PPP4C: variants seen among roughly 807,000 people sequenced by gnomAD.
The protein encoded by PPP4C is serine/threonine-protein phosphatase 4 catalytic subunit.
PPP4C carries 10 observed loss-of-function variants against 40.5 expected under a neutral mutation model. The observed-to-expected ratio is 0.25, with a 90% confidence interval of 0.15 to 0.42. The LOEUF (loss-of-function observed/expected upper bound fraction) is 0.42. Ranked by LOEUF, PPP4C falls within the 10% of genes least tolerant of loss-of-function variation. The probability of loss-of-function intolerance (pLI) is 1.00; values close to 1 mark genes in which losing one functional copy is unlikely to be tolerated. For missense variants in PPP4C, 191 were observed against 416.4 expected (o/e 0.46, Z 4.71); for synonymous variants, 187 against 163.6 (o/e 1.14, Z -1.09).
rs2072544300 is a variant in PPP4C, at chr16:30,083,234, G to A, written c.304-160G>A. On this transcript the variant is annotated intron_variant, in intron 5 of 8. Transcript: ENST00000279387. The surrounding 1 kb of genome is among the most constrained non-coding windows in gnomAD (Gnocchi z 6.3). Reference sequence around the variant, plus strand: ...TACATTCTCTGGAGGGGTCGTGTGGGCCTGGGAGGTGGCTGATGCCACACG... The same window carrying A: ...TACATTCTCTGGAGGGGTCGTGTGGACCTGGGAGGTGGCTGATGCCACACG... 1.3e-6 allele frequency: 1 copy of A among 793,516 alleles called. No individual in the cohort carries two copies. Among genetic ancestry groups the A allele is most frequent in the Non-Finnish European group, 2.1e-6 (1 of 485,866 alleles). The allele number at this position is 793,516 out of a possible 1,614,324, so 49.2% of individuals were successfully genotyped here.
rs895692251 is a variant in PPP4C at position 30,076,089 on chromosome 16, G to A, written c.-69G>A. On this transcript the variant is annotated 5_prime_UTR_variant, in exon 1 of 9. Transcript: ENST00000279387. The stretch of plus-strand genomic sequence containing the variant: ...CCGGAGAGCCGGAACCGGAGTCGCA[G>A]CGGCGGTAATAGTGCGAGACTCCTC... The A allele has an allele frequency of 6.7e-6, 3 of 450,478 alleles. No individual in the cohort carries two copies. The highest frequency in any genetic ancestry group is 6.2e-5 in the African/African-American group (3 of 48,340). The allele number at this position is 450,478 out of a possible 1,614,324, so 27.9% of individuals were successfully genotyped here. A position where few individuals can be genotyped will look rare whatever the true frequency, so the allele number is the denominator to read the frequency against.
chr16:30,082,584 A>T (rs763277146), intron 4 of PPP4C, 50 bp downstream of exon 4: 10 of 1,592,038 alleles, frequency 6.3e-6, no homozygotes, highest in Non-Finnish European at 7.8e-6. Flanking sequence ...TGACTGGAAG[A>T]CCCCTGTAAT....
At chr16:30,082,684 C>G in intron 4 of PPP4C, 62 bp from the exon 5 acceptor site, 1 of 1,553,808 alleles carries the variant, frequency 6.4e-7, no homozygotes, top group South Asian at 1.1e-5. Context: ...CTCCGCTGGA[C>G]AGAAACAGGT....
At chr16:30,081,743 AAAAAAAAACAAAAAAAAAC>A (rs1789287786) in intron 3 of PPP4C, 2 of 143,574 alleles carry the variant, frequency 1.4e-5, no homozygotes, top group Admixed American at 1.3e-4. Flanking sequence ...ACTCCGTCTC[AAAAAAAAACAAAAAAAAAC>A]AAAAAAAACA....
chr16:30,076,068 A>T lies in PPP4C; in HGVS notation c.-90A>T. The T allele has an allele frequency of 2.3e-6, 1 of 433,170 alleles. No homozygotes were observed. Among genetic ancestry groups the T allele is most frequent in the East Asian group, 4.4e-5 (1 of 22,976 alleles). The allele number at this position is 433,170 out of a possible 1,614,324, so 26.8% of individuals were successfully genotyped here. The stretch of plus-strand genomic sequence containing the variant: ...GTGAAAGAGGGAGGCAGGGAGCCGG[A>T]GAGCCGGAACCGGAGTCGCAGCGGC... On this transcript the variant is annotated 5_prime_UTR_variant, in exon 1 of 9. Coordinates refer to ENST00000279387, the MANE Select transcript of PPP4C (RefSeq NM_002720.3).
chr16:30,084,284 TACAG>T (rs1444792533), intron 7 of PPP4C, among the ~76,000 whole-genome samples: 7 of 152,116 alleles, frequency 4.6e-5, no homozygotes, highest in African/African-American at 7.2e-5. Context: ...GCCACACACA[TACAG>T]ACACACACAT....
chr16:30,082,301 A>C (rs1333319864), intron 3 of PPP4C, among the ~76,000 whole-genome samples, 183 bp from the exon 4 acceptor site: 1 of 152,200 alleles, frequency 6.6e-6, no homozygotes, highest in East Asian at 1.9e-4. Context: ...GTTGGTACTC[A>C]GCATAGGACA....
rs1248688257 is a variant in PPP4C, at chr16:30,076,314, G to C, written c.-63-1G>C. The C allele has an allele frequency of 7.8e-6, 12 of 1,540,604 alleles. No individual in the cohort carries two copies. In the Admixed American group the frequency reaches 1.4e-4, roughly 18 times the overall value. ...CGCGGGCTCGTCTTGGCCTTTCCCA[G>C]GAGACCCCTGTGCGGTGCGGAGGGG... On this transcript the variant is annotated splice_acceptor_variant, in intron 1 of 8. Coordinates refer to ENST00000279387, the MANE Select transcript of PPP4C (RefSeq NM_002720.3). LOFTEE classifies it low-confidence loss of function (5UTR_SPLICE).
Position 30,076,053 on chromosome 16 carries a change from G to A in PPP4C, c.-105G>A, listed in dbSNP as rs1222126461. 1.4e-5 allele frequency: 6 copies of A among 434,720 alleles called. No homozygotes were observed. The highest frequency in any genetic ancestry group is 5.5e-5 in the South Asian group (2 of 36,432). The allele number at this position is 434,720 out of a possible 1,614,324, so 26.9% of individuals were successfully genotyped here. On this transcript the variant is annotated 5_prime_UTR_variant, in exon 1 of 9. Transcript: ENST00000279387. The stretch of plus-strand genomic sequence containing the variant: ...GCGGTCGAAAGCGGAGTGAAAGAGG[G>A]AGGCAGGGAGCCGGAGAGCCGGAAC...
Position 30,083,898 on chromosome 16 carries a change from G to C in PPP4C, c.604+117G>C. 2.0e-6 allele frequency: 3 copies of C among 1,481,010 alleles called. No individual in the cohort carries two copies. The highest frequency in any genetic ancestry group is 2.8e-6 in the Non-Finnish European group (3 of 1,089,528). The allele number at this position is 1,481,010 out of a possible 1,614,324, so 91.7% of individuals were successfully genotyped here. ...CACCTGCCAAATGGCTGGAACCCTG[G>C]AGGAGGAGCAGGGAGGCCTGCATGG... On this transcript the variant is annotated intron_variant, in intron 7 of 8. Transcript: ENST00000279387. The surrounding 1 kb of genome is among the most constrained non-coding windows in gnomAD (Gnocchi z 6.3).
In PPP4C at chr16:30,083,410, G is replaced by A. The variant is rs1184518856; in HGVS notation, c.320G>A (p.Arg107His). 1 of 1,613,286 alleles carries A rather than the reference G, an allele frequency of 6.2e-7. No homozygotes were observed. The highest frequency in any genetic ancestry group is 8.5e-7 in the Non-Finnish European group (1 of 1,179,764). ...CACCCCCAGGTTCGCTATCCTGATC[G>A]CATCACACTGATCCGGGGCAACCAT... ...LLALKVRYPDRITLIRGNHES... is the reference protein window; with the variant it reads ...LLALKVRYPDHITLIRGNHES... The change falls in exon 6 of 9, where the codon CGC (arginine) becomes CAC (histidine). Residue 107 changes from arginine (R) to histidine (H), a missense_variant. Physicochemically the swap from Arg to His is conservative, Grantham distance 29 (BLOSUM62 0). Transcript: ENST00000279387. This position sits in a 1 kb window ranked among gnomAD's most constrained non-coding sequence, Gnocchi z 6.3.
Position 30,076,059 on chromosome 16 carries a change from G to A in PPP4C, c.-99G>A. 1 of 433,498 alleles carries A rather than the reference G, an allele frequency of 2.3e-6. No individual in the cohort carries two copies. 26.9% of individuals were successfully genotyped at this position (433,498 alleles called of 1,614,324 possible). On this transcript the variant is annotated 5_prime_UTR_variant, in exon 1 of 9. Transcript: ENST00000279387. ...GAAAGCGGAGTGAAAGAGGGAGGCA[G>A]GGAGCCGGAGAGCCGGAACCGGAGT...
Position 30,076,377 on chromosome 16 carries a change from C to T in PPP4C, c.-1C>T, listed in dbSNP as rs1436045796. Reference sequence around the variant, plus strand: ...ACTCTGACCCGCGCCGGGGGTGGGCCATGGCGGAGATCAGCGACCTGGACC... The same window carrying T: ...ACTCTGACCCGCGCCGGGGGTGGGCTATGGCGGAGATCAGCGACCTGGACC... On this transcript the variant is annotated 5_prime_UTR_variant, in exon 2 of 9. Coordinates refer to ENST00000279387, the MANE Select transcript of PPP4C (RefSeq NM_002720.3). 1.2e-6 allele frequency: 2 copies of T among 1,612,592 alleles called. No homozygotes were observed. The highest frequency in any genetic ancestry group is 2.7e-5 in the African/African-American group (2 of 74,926).
intron 3 of PPP4C, among the ~76,000 whole-genome samples, chr16:30,081,984 G>A (rs1217641524): frequency 6.6e-6 from 1 of 151,942 alleles, no homozygotes; most frequent in African/African-American, 2.4e-5. Flanking sequence ...GAACCCAGGA[G>A]GCGGAGCTTG....
intron 2 of PPP4C, among the ~76,000 whole-genome samples, chr16:30,077,727 T>G (rs747802997): frequency 1.3e-5 from 2 of 152,236 alleles, no homozygotes; most frequent in African/African-American, 4.8e-5. Flanking sequence ...TCTATCCATC[T>G]CTTCCCCCCA....
Position 30,076,060 on chromosome 16 carries a change from G to A in PPP4C, c.-98G>A, listed in dbSNP as rs2072383445. 3 of 433,964 alleles carry A rather than the reference G, an allele frequency of 6.9e-6. No homozygotes were observed. The highest frequency in any genetic ancestry group is 1.2e-5 in the Non-Finnish European group (3 of 242,688). The allele number at this position is 433,964 out of a possible 1,614,324, so 26.9% of individuals were successfully genotyped here. A position where few individuals can be genotyped will look rare whatever the true frequency, so the allele number is the denominator to read the frequency against. On this transcript the variant is annotated 5_prime_UTR_variant, in exon 1 of 9. Transcript: ENST00000279387. ...AAAGCGGAGTGAAAGAGGGAGGCAG[G>A]GAGCCGGAGAGCCGGAACCGGAGTC...
intron 2 of PPP4C, among the ~76,000 whole-genome samples, chr16:30,077,148 G>A (rs889817477): frequency 6.6e-6 from 1 of 152,096 alleles, no homozygotes; most frequent in Non-Finnish European, 1.5e-5. Flanking sequence ...ATGATGTAGT[G>A]GTTAAGGCTC....
chr16:30,084,387 C>G (rs899662218), intron 7 of PPP4C, among the ~76,000 whole-genome samples: 2 of 152,258 alleles, frequency 1.3e-5, no homozygotes, highest in African/African-American at 4.8e-5. Flanking sequence ...GGGAGTGCCC[C>G]TTTCACTCTT....
chr16:30,082,355 G>C, intron 3 of PPP4C, 129 bp from the exon 4 acceptor site: 1 of 942,228 alleles, frequency 1.1e-6, no homozygotes, highest in Non-Finnish European at 1.7e-6. Flanking sequence ...TGGGAGAGGA[G>C]AATTTTGGTC....
Sources: gnomAD v4.1 joint callset for allele counts (sites outside exome capture counted in the v4.1 genomes callset) on GRCh38, gnomAD v4.1.1 for gene constraint, Gnocchi (gnomAD v3.1) non-coding constraint, MANE v1.5 for transcripts, NCBI Gene and HGNC (gene_info 2026-07-23, HGNC 2026-07-21) for gene names.